SEMA3E: variants seen among roughly 807,000 people sequenced by gnomAD.
The protein encoded by SEMA3E is semaphorin 3E.
A neutral mutation model predicts 93.6 loss-of-function variants in SEMA3E; 49 were observed. That is an observed-to-expected ratio of 0.52 (90% CI 0.42 to 0.66). The LOEUF is 0.66. Among genes scored for constraint, SEMA3E ranks in the 30% least tolerant of loss-of-function variants. The pLI, the probability that SEMA3E is intolerant of heterozygous loss-of-function variation, is 0.00. For missense variants in SEMA3E, 906 were observed against 964.8 expected, an observed-to-expected ratio of 0.94 and a Z score of 0.81; for synonymous variants, 363 against 330.7, an observed-to-expected ratio of 1.10 and a Z score of -1.06.
intron 1 of SEMA3E, among the ~76,000 whole-genome samples, chr7:83,553,630 C>G (rs1791822249): frequency 6.6e-6 from 1 of 152,034 alleles, no homozygotes; most frequent in Non-Finnish European, 1.5e-5. Context: ...AATGAATTAA[C>G]TTTGGGGCTT....
intron 1 of SEMA3E, among the ~76,000 whole-genome samples, chr7:83,592,708 C>T (rs1792779255): frequency 1.3e-5 from 2 of 151,968 alleles, no homozygotes; most frequent in South Asian, 4.1e-4. Context: ...ACTGAAGGTA[C>T]CAAATTTGCG....
chr7:83,604,508 G>A (rs916449225), intron 1 of SEMA3E, among the ~76,000 whole-genome samples: 25 of 141,378 alleles, frequency 1.8e-4, no homozygotes, highest in African/African-American at 6.0e-4. Context: ...TTATGTGTGT[G>A]TACATATATA....
chr7:83,504,476 T>G (rs1790655766), intron 1 of SEMA3E, among the ~76,000 whole-genome samples: 1 of 152,192 alleles, frequency 6.6e-6, no homozygotes, highest in Admixed American at 6.5e-5. Flanking sequence ...CTGTAGTGGC[T>G]ACAATGTGAG....
intron 1 of SEMA3E, among the ~76,000 whole-genome samples, chr7:83,613,210 T>G (rs949787118): frequency 3.9e-5 from 6 of 152,028 alleles, no homozygotes; most frequent in African/African-American, 1.4e-4. Context: ...GACCCTGCCT[T>G]TTTGAGTATT....
intron 1 of SEMA3E, among the ~76,000 whole-genome samples, chr7:83,599,775 C>T (rs1466051537): frequency 2.0e-5 from 3 of 152,142 alleles, no homozygotes; most frequent in Admixed American, 6.5e-5. Context: ...TACACCCAGC[C>T]TTGCATGAGG....
rs1248191234 is a variant in SEMA3E, at chr7:83,409,878, A to G, written c.551-1391T>C. Reference sequence around the variant, plus strand: ...AGTGTAAGCATTTTTGTATGATTTAACATTTGAGAAAATGATCAATTAAAT... The same window carrying G: ...AGTGTAAGCATTTTTGTATGATTTAGCATTTGAGAAAATGATCAATTAAAT... On this transcript the variant is annotated intron_variant, in intron 5 of 16. Transcript: ENST00000643230. Among the ~76,000 whole-genome samples the G allele has an allele frequency of 2.0e-5, 3 of 151,796 alleles. No individual in the cohort carries two copies. In the East Asian group the frequency reaches 5.8e-4, roughly 29 times the overall value.
At chr7:83,518,000 C>A (rs1467307946) in intron 1 of SEMA3E, among the ~76,000 whole-genome samples, 1 of 152,028 alleles carries the variant, frequency 6.6e-6, no homozygotes, top group African/African-American at 2.4e-5. Context: ...GCTTAGAAAT[C>A]CCAAAACTGT....
At chr7:83,648,383 C>CTTTTTTTTTTTTTTT in intron 1 of SEMA3E, 45 bp downstream of exon 1, 1 of 1,159,114 alleles carries the variant, frequency 8.6e-7, no homozygotes, top group South Asian at 1.4e-5. Context: ...TTTTCTTTTT[C>CTTTTTTTTTTTTTTT]TTTTTTTTTT....
At chr7:83,373,632 A>T (rs1794779770) in intron 16 of SEMA3E, among the ~76,000 whole-genome samples, 1 of 152,154 alleles carries the variant, frequency 6.6e-6, no homozygotes, top group African/African-American at 2.4e-5. Context: ...TTTTAATACA[A>T]GATTATGCAG....
intron 1 of SEMA3E, among the ~76,000 whole-genome samples, chr7:83,640,349 A>AT (rs1793980673): frequency 6.6e-6 from 1 of 152,172 alleles, no homozygotes; most frequent in African/African-American, 2.4e-5. Flanking sequence ...GTTTACATCA[A>AT]TAATATTTTA....
chr7:83,470,097 G>A (rs1789861199), intron 2 of SEMA3E, among the ~76,000 whole-genome samples: 1 of 151,754 alleles, frequency 6.6e-6, no homozygotes, highest in African/African-American at 2.4e-5. Flanking sequence ...TTTCCAACTG[G>A]GTATCCAAAA....
chr7:83,501,626 T>A (rs1260857181), intron 1 of SEMA3E, among the ~76,000 whole-genome samples: 1 of 152,224 alleles, frequency 6.6e-6, no homozygotes, highest in African/African-American at 2.4e-5. Flanking sequence ...CTAATTTTTG[T>A]ATTTTTAGCA....
chr7:83,575,813 C>T (rs1792389131), intron 1 of SEMA3E, among the ~76,000 whole-genome samples: 1 of 152,134 alleles, frequency 6.6e-6, no homozygotes. Flanking sequence ...CAATTCATAA[C>T]TCCTTTTTGG....
At chr7:83,606,211 G>A (rs1793114311) in intron 1 of SEMA3E, among the ~76,000 whole-genome samples, 1 of 152,158 alleles carries the variant, frequency 6.6e-6, no homozygotes, top group Non-Finnish European at 1.5e-5. Context: ...GTTTACAGAA[G>A]GAAGAGAACA....
At chr7:83,622,488 C>A (rs540209414) in intron 1 of SEMA3E, among the ~76,000 whole-genome samples, 14 of 152,258 alleles carry the variant, frequency 9.2e-5, no homozygotes, top group Admixed American at 2.6e-4. Context: ...GGATATATAC[C>A]CAAAGGAATA....
chr7:83,367,625 A>G lies in SEMA3E; in HGVS notation c.2289T>C (p.Pro763=). 6.2e-7 allele frequency: 1 copy of G among 1,614,106 alleles called. No individual in the cohort carries two copies. The highest frequency in any genetic ancestry group is 1.3e-5 in the African/African-American group (1 of 75,032). ...NPQEKKLRSK[P]EHYRLPRHTL... is the part of the protein sequence containing the mutation. ...TGTGCCTGGGCAGGCGGTAATGCTC[A>G]GGTTTGGAACGGAGCTTCTTTTCCT... The change falls in exon 17 of 17, where the codon CCT becomes CCC. Residue 763 remains proline, a synonymous_variant. Coordinates refer to ENST00000643230, the MANE Select transcript of SEMA3E (RefSeq NM_012431.3).
intron 4 of SEMA3E, among the ~76,000 whole-genome samples, chr7:83,423,534 C>T (rs1454861448): frequency 2.1e-5 from 3 of 143,452 alleles, no homozygotes; most frequent in African/African-American, 7.7e-5. Flanking sequence ...GACAGAGTCT[C>T]GCTCTGTCGC....
chr7:83,515,046 T>C (rs1342286721), intron 1 of SEMA3E, among the ~76,000 whole-genome samples: 2 of 152,140 alleles, frequency 1.3e-5, no homozygotes, highest in African/African-American at 4.8e-5. Flanking sequence ...CAGTAGAAAC[T>C]TTACTAATTG....
intron 4 of SEMA3E, among the ~76,000 whole-genome samples, chr7:83,445,212 A>G (rs1789201720): frequency 6.6e-6 from 1 of 152,310 alleles, no homozygotes; most frequent in South Asian, 2.1e-4. Flanking sequence ...GCAAATACAG[A>G]CTATTCGTTC....
Sources: allele counts gnomAD v4.1 joint callset (sites outside exome capture counted in the v4.1 genomes callset), GRCh38; gene constraint gnomAD v4.1.1; transcripts MANE v1.5; gene names NCBI Gene and HGNC (gene_info 2026-07-23, HGNC 2026-07-21).